The following SMC5 variants were observed in gnomAD, a reference collection of about 807,000 sequenced individuals.
SMC5 encodes structural maintenance of chromosomes protein 5.
SMC5 carries 88 observed loss-of-function variants against 148.3 expected under a neutral mutation model. The ratio of observed to expected loss-of-function variants is 0.59; its 90% confidence interval spans 0.50 to 0.71. The LOEUF (loss-of-function observed/expected upper bound fraction) is 0.71, where lower values mean the gene tolerates loss of function less well. Ranked by LOEUF, SMC5 falls within the 30% of genes least tolerant of loss-of-function variation. The probability of loss-of-function intolerance (pLI) is 0.00; values close to 1 mark genes in which losing one functional copy is unlikely to be tolerated. For missense variants in SMC5, 1,142 were observed against 1,298.9 expected (o/e 0.88, Z 1.86); for synonymous variants, 421 against 432.8 (o/e 0.97, Z 0.34).
At chr9:70,318,237 A>G (rs1398083523) in intron 13 of SMC5, among the ~76,000 whole-genome samples, 1 of 152,062 alleles carries the variant, frequency 6.6e-6, no homozygotes, top group Admixed American at 6.5e-5. Context: ...AATTTTTTTT[A>G]ATTAACCAGG....
chr9:70,328,141 G>T (rs536140075), intron 17 of SMC5, among the ~76,000 whole-genome samples: 1 of 151,626 alleles, frequency 6.6e-6, no homozygotes, highest in Non-Finnish European at 1.5e-5. Context: ...TGATTTGGCC[G>T]GGGACACAGA....
chr9:70,314,890 T>TGTAACAATAAA, intron 12 of SMC5, 54 bp downstream of exon 12: 1 of 1,081,642 alleles, frequency 9.2e-7, no homozygotes, highest in Non-Finnish European at 1.3e-6. Context: ...TCAACATTTA[T>TGTAACAATAAA]TGTTACATAA....
intron 18 of SMC5, 200 bp from the exon 19 acceptor site, chr9:70,346,405 C>T (rs1437927356): frequency 6.7e-6 from 4 of 598,756 alleles, no homozygotes; most frequent in African/African-American, 1.9e-5. Flanking sequence ...TACTGATTGC[C>T]TCCCCTCAAA....
chr9:70,349,441 A>AACT (rs1198659884), intron 22 of SMC5, among the ~76,000 whole-genome samples: 1 of 152,192 alleles, frequency 6.6e-6, no homozygotes, highest in African/African-American at 2.4e-5. Flanking sequence ...TAAGAATAGT[A>AACT]AACCTTAGAG....
chr9:70,271,574 G>C (rs1164103285), intron 3 of SMC5, among the ~76,000 whole-genome samples: 1 of 152,152 alleles, frequency 6.6e-6, no homozygotes, highest in Non-Finnish European at 1.5e-5. Flanking sequence ...TTTATAGTTA[G>C]GGGCATAAGG....
intron 8 of SMC5, among the ~76,000 whole-genome samples, chr9:70,295,992 A>G (rs1270310748): frequency 6.6e-6 from 1 of 152,056 alleles, no homozygotes; most frequent in Non-Finnish European, 1.5e-5. Context: ...AGTGACATGT[A>G]TGTATCTTAA....
At chr9:70,291,829 G>T (rs2035067500) in intron 8 of SMC5, among the ~76,000 whole-genome samples, 1 of 151,520 alleles carries the variant, frequency 6.6e-6, no homozygotes, top group South Asian at 2.1e-4. Flanking sequence ...TATTAGGTTG[G>T]TGCAAAAGTA....
intron 12 of SMC5, 138 bp downstream of exon 12, chr9:70,314,974 G>T: frequency 1.9e-6 from 1 of 519,758 alleles, no homozygotes. Flanking sequence ...TTAGGCACAG[G>T]ACCATGATAT....
intron 11 of SMC5, among the ~76,000 whole-genome samples, chr9:70,307,550 T>C (rs530496178): frequency 6.6e-6 from 1 of 152,264 alleles, no homozygotes; most frequent in East Asian, 1.9e-4. Context: ...TTGCCCAGGC[T>C]GGAGTGCAAT....
At chr9:70,346,981 CTTATTCA>C in intron 19 of SMC5, 78 bp from the exon 20 acceptor site, 1 of 971,060 alleles carries the variant, frequency 1.0e-6, no homozygotes, top group East Asian at 2.5e-5. Flanking sequence ...AGATAGATAA[CTTATTCA>C]GCAGATTATT....
chr9:70,297,755 A>T (rs2035239638), intron 8 of SMC5, among the ~76,000 whole-genome samples: 1 of 152,200 alleles, frequency 6.6e-6, no homozygotes, highest in South Asian at 2.1e-4. Context: ...CACCACTTAA[A>T]GTATTTGAGA....
At chr9:70,261,383 T>C (rs2034127890) in intron 1 of SMC5, among the ~76,000 whole-genome samples, 1 of 152,064 alleles carries the variant, frequency 6.6e-6, no homozygotes, top group Admixed American at 6.5e-5. Context: ...TGTGAAGGAA[T>C]GAGATTTGAC....
intron 4 of SMC5, among the ~76,000 whole-genome samples, chr9:70,278,268 C>G (rs1223223235): frequency 1.3e-5 from 2 of 151,904 alleles, no homozygotes; most frequent in Non-Finnish European, 1.5e-5. Flanking sequence ...ACATTTCAAC[C>G]TTGAAATATT....
At chr9:70,324,356 G>A (rs944093706) in intron 17 of SMC5, among the ~76,000 whole-genome samples, 1 of 152,142 alleles carries the variant, frequency 6.6e-6, no homozygotes, top group Non-Finnish European at 1.5e-5. Context: ...ATATCTGACT[G>A]TGAAATGATA....
intron 5 of SMC5, among the ~76,000 whole-genome samples, 170 bp downstream of exon 5, chr9:70,278,795 CTAA>C (rs1297419199): frequency 6.6e-6 from 1 of 151,834 alleles, no homozygotes; most frequent in Non-Finnish European, 1.5e-5. Context: ...GAGAATGGAT[CTAA>C]TAATGTGAAG....
intron 5 of SMC5, among the ~76,000 whole-genome samples, chr9:70,279,907 CAG>C (rs1032749635): frequency 6.6e-5 from 10 of 151,138 alleles, no homozygotes; most frequent in African/African-American, 1.7e-4. Context: ...CATTGTGTCA[CAG>C]GGGTTTGGTG....
chr9:70,270,983 T>A (rs2034434295), intron 3 of SMC5, among the ~76,000 whole-genome samples: 1 of 152,140 alleles, frequency 6.6e-6, no homozygotes, highest in South Asian at 2.1e-4. Flanking sequence ...ATCCCTTATC[T>A]GCAACACTTG....
chr9:70,287,180 T>C (rs2034927707), intron 8 of SMC5, among the ~76,000 whole-genome samples: 1 of 152,228 alleles, frequency 6.6e-6, no homozygotes, highest in Non-Finnish European at 1.5e-5. Context: ...TGTAGTATCC[T>C]GTTTTTGATA....
intron 6 of SMC5, 45 bp downstream of exon 6, chr9:70,280,944 G>A: frequency 6.2e-7 from 1 of 1,603,028 alleles, no homozygotes; most frequent in Non-Finnish European, 8.5e-7. Context: ...TCTTTAAGTA[G>A]CAGAGTAATT....
Sources: gnomAD v4.1 joint callset for allele counts (sites outside exome capture counted in the v4.1 genomes callset) on GRCh38, gnomAD v4.1.1 for gene constraint, MANE v1.5 for transcripts, NCBI Gene and HGNC (gene_info 2026-07-23, HGNC 2026-07-21) for gene names.